Variants in ST3GAL3 observed in about 807,000 individuals in gnomAD.
ST3GAL3 encodes the protein ST3 beta-galactoside alpha-2,3-sialyltransferase 3, also known as CMP-N-acetylneuraminate-beta-1,4-galactoside alpha-2,3-sialyltransferase.
ST3GAL3 carries 21 observed loss-of-function variants against 50.1 expected under a neutral mutation model. The ratio of observed to expected loss-of-function variants is 0.42; its 90% confidence interval spans 0.30 to 0.60. The LOEUF (loss-of-function observed/expected upper bound fraction) is 0.60. Among genes scored for constraint, ST3GAL3 ranks in the 20% least tolerant of loss-of-function variants. ST3GAL3 has a pLI of 0.19. For synonymous variants in ST3GAL3, 183 were observed against 190.0 expected (o/e 0.96, Z 0.30); for missense variants, 353 against 489.4 (o/e 0.72, Z 2.63).
intron 1 of ST3GAL3, among the ~76,000 whole-genome samples, chr1:43,731,378 A>ATTTTTT (rs4019073): frequency 1.4e-5 from 1 of 69,860 alleles, no homozygotes; most frequent in African/African-American, 5.5e-5. Context: ...CACCCAGCTA[A>ATTTTTT]TTTTTTTTTT....
At chr1:43,887,792 G>A (rs2076179360) in intron 5 of ST3GAL3, among the ~76,000 whole-genome samples, 1 of 150,624 alleles carries the variant, frequency 6.6e-6, no homozygotes, top group South Asian at 2.1e-4. Context: ...ATGATGTTGG[G>A]GAAAGTTATG....
At chr1:43,892,132 A>G (rs1016776675) in intron 5 of ST3GAL3, among the ~76,000 whole-genome samples, 1 of 152,222 alleles carries the variant, frequency 6.6e-6, no homozygotes, top group Non-Finnish European at 1.5e-5. Flanking sequence ...TAGCAGAGAC[A>G]GAGTTTTGCC....
At position 43,736,285 on chromosome 1, in the gene ST3GAL3, G is replaced by A. The variant is rs900948973; in HGVS notation, c.23G>A (p.Arg8His). MGLLVFV[R>H]NLLLALCLFL... The stretch of plus-strand genomic sequence containing the variant: ...AAGATGGGACTCTTGGTATTTGTGC[G>A]CAATCTGCTGCTAGCCCTCTGCCTC... The change falls in exon 2 of 12, where the codon CGC becomes CAC. Residue 8 changes from arginine (R) to histidine (H), a missense_variant. Physicochemically the swap from Arg to His is conservative, Grantham distance 29. Transcript: ENST00000347631. 1.2e-6 allele frequency: 2 copies of A among 1,614,130 alleles called. No individual in the cohort carries two copies. Among genetic ancestry groups the A allele is most frequent in the South Asian group, 1.1e-5 (1 of 91,086 alleles).
At chr1:43,874,117 G>A (rs965170326) in intron 5 of ST3GAL3, among the ~76,000 whole-genome samples, 15 of 152,180 alleles carry the variant, frequency 9.9e-5, no homozygotes, top group African/African-American at 2.4e-4. Flanking sequence ...CTGGTAGGCA[G>A]GATGATTGTA....
At position 43,712,641 on chromosome 1, in the gene ST3GAL3, C is replaced by T. The variant is rs11210902; in HGVS notation, c.-31+4948C>T. ...GATCTTCTAAAAGCGCACCTGATAT[C>T]GTGGGGAATATGAGTACTGGTTTTC... On this transcript the variant is annotated intron_variant, in intron 1 of 11. Transcript: ENST00000347631. Among the ~76,000 whole-genome samples the T allele has an allele frequency of 1.6e-3, 237 of 152,270 alleles. 1 individual carries two copies. The highest frequency in any genetic ancestry group is 5.3e-3 in the African/African-American group (222 of 41,542).
chr1:43,859,100 C>G (rs2069241863), intron 5 of ST3GAL3, among the ~76,000 whole-genome samples: 1 of 152,168 alleles, frequency 6.6e-6, no homozygotes, highest in Non-Finnish European at 1.5e-5. Context: ...TGAGATTGTC[C>G]AGGGTGATGT....
intron 5 of ST3GAL3, among the ~76,000 whole-genome samples, chr1:43,891,990 CTG>C (rs2076746722): frequency 6.6e-6 from 1 of 152,220 alleles, no homozygotes; most frequent in Non-Finnish European, 1.5e-5. Flanking sequence ...GTCGCCCAGG[CTG>C]TAGTGCAGTG....
At chr1:43,724,694 C>T (rs947503444) in intron 1 of ST3GAL3, among the ~76,000 whole-genome samples, 1 of 152,092 alleles carries the variant, frequency 6.6e-6, no homozygotes, top group African/African-American at 2.4e-5. Flanking sequence ...TTATGGAGCA[C>T]AGTCATGGTG....
chr1:43,738,301 C>T (rs1338003788), intron 2 of ST3GAL3: 1 of 152,126 alleles, frequency 6.6e-6, no homozygotes, highest in African/African-American at 2.4e-5. Context: ...CTGTCCTTTC[C>T]ATTAATTGTT....
rs1469490019 is a variant in ST3GAL3 at position 43,857,792 on chromosome 1, CT to C, written c.302+19484del. Among the ~76,000 whole-genome samples the C allele has an allele frequency of 5.9e-5, 9 of 152,020 alleles. No homozygotes were observed. The East Asian group carries it at 1.7e-3, about 29-fold the overall frequency. ...CACTATGTCCAGCTAATTTTTGTAT[CT>C]TTAGTAGAAGCGGGGTTTCACCATG... On this transcript the variant is annotated intron_variant, in intron 5 of 11. Transcript: ENST00000347631.
At chr1:43,916,716 G>T (rs1201926505) in intron 9 of ST3GAL3, 2 of 152,032 alleles carry the variant, frequency 1.3e-5, no homozygotes, top group Non-Finnish European at 2.9e-5. Context: ...CCGAGTGGCT[G>T]GGACCACAGC....
At chr1:43,765,819 G>A (rs1307424805) in intron 2 of ST3GAL3, among the ~76,000 whole-genome samples, 3 of 151,244 alleles carry the variant, frequency 2.0e-5, no homozygotes, top group Admixed American at 6.6e-5. Context: ...GTCCGCGTGC[G>A]CTTTTTTTTT....
intron 2 of ST3GAL3, among the ~76,000 whole-genome samples, chr1:43,782,874 G>T (rs779315150): frequency 9.2e-5 from 14 of 152,080 alleles, no homozygotes; most frequent in Non-Finnish European, 2.1e-4. Context: ...ACCTGAAATG[G>T]TATGAATGTA....
At chr1:43,778,080 T>C (rs1697961145) in intron 2 of ST3GAL3, among the ~76,000 whole-genome samples, 2 of 152,176 alleles carry the variant, frequency 1.3e-5, no homozygotes, top group Non-Finnish European at 2.9e-5. Context: ...ATATACACCA[T>C]GGAATACTAT....
chr1:43,816,712 G>T (rs1420424191), intron 4 of ST3GAL3, among the ~76,000 whole-genome samples: 2 of 152,218 alleles, frequency 1.3e-5, no homozygotes, highest in Admixed American at 1.3e-4. Flanking sequence ...GGGTCCTGCA[G>T]AGTAGGCTGT....
chr1:43,857,556 T>TTTAC (rs2068729315), intron 5 of ST3GAL3, among the ~76,000 whole-genome samples: 1 of 93,848 alleles, frequency 1.1e-5, no homozygotes, highest in African/African-American at 3.8e-5. Flanking sequence ...CCTTCCTTCC[T>TTTAC]TTCCTTCCTT....
At chr1:43,753,496 C>T (rs912280269) in intron 2 of ST3GAL3, among the ~76,000 whole-genome samples, 3 of 152,148 alleles carry the variant, frequency 2.0e-5, no homozygotes, top group Non-Finnish European at 4.4e-5. Context: ...TGTAAGAACC[C>T]ATCAGTAGGC....
chr1:43,795,225 T>C (rs1365644287), intron 3 of ST3GAL3, among the ~76,000 whole-genome samples: 3 of 152,258 alleles, frequency 2.0e-5, no homozygotes, highest in Admixed American at 2.0e-4. Context: ...CAAATAACTA[T>C]GGACCATGGC....
At chr1:43,821,128 A>G (rs770650457) in intron 4 of ST3GAL3, among the ~76,000 whole-genome samples, 12 of 152,174 alleles carry the variant, frequency 7.9e-5, no homozygotes, top group Non-Finnish European at 1.5e-4. Context: ...ACAGCCTTAT[A>G]AGCTTGATTG....
Sources: allele counts gnomAD v4.1 joint callset (sites outside exome capture counted in the v4.1 genomes callset), GRCh38; gene constraint gnomAD v4.1.1; transcripts MANE v1.5; gene names NCBI Gene and HGNC (gene_info 2026-07-23, HGNC 2026-07-21).